Variants in MARCHF6 observed in about 807,000 individuals in gnomAD.
MARCHF6 encodes membrane associated ring-CH-type finger 6.
In MARCHF6, 31 loss-of-function variants were observed where a neutral mutation model predicts 133.7. The observed-to-expected ratio is 0.23, with a 90% CI of 0.17 to 0.31. The LOEUF (loss-of-function observed/expected upper bound fraction) is 0.31. MARCHF6 is among the 10% of genes least tolerant of loss of function. MARCHF6 has a pLI of 1.00. For missense variants in MARCHF6, 723 were observed against 1,121.6 expected (o/e 0.64, Z 5.08); for synonymous variants, 395 against 402.5 (o/e 0.98, Z 0.22).
rs1257707923 is a variant in MARCHF6, at chr5:10,438,147, G to T, written c.*4463G>T. The stretch of plus-strand genomic sequence containing the variant: ...GCCCACTTCTGCATGTCTGCTACGA[G>T]ATCAGAAAGTCAGTTTCACTAAGGT... On this transcript the variant is annotated 3_prime_UTR_variant, in exon 26 of 26. Transcript: ENST00000274140. The T allele has an allele frequency of 6.6e-6, 1 of 152,172 alleles. No individual in the cohort carries two copies. The highest frequency in any genetic ancestry group is 1.5e-5 in the Non-Finnish European group (1 of 68,034). 9.4% of individuals were successfully genotyped at this position (152,172 alleles called of 1,614,324 possible).
intron 22 of MARCHF6, among the ~76,000 whole-genome samples, chr5:10,419,801 G>A (rs867291895): frequency 7.9e-5 from 12 of 152,112 alleles, no homozygotes; most frequent in South Asian, 4.1e-4. Context: ...AAGTTATCCC[G>A]CAACTTTGCA....
intron 1 of MARCHF6, among the ~76,000 whole-genome samples, chr5:10,367,542 G>A (rs1035140585): frequency 6.6e-6 from 1 of 152,164 alleles, no homozygotes; most frequent in Non-Finnish European, 1.5e-5. Flanking sequence ...GAACTTTCAA[G>A]ATAGATAATA....
rs925446195 is a variant in MARCHF6, at chr5:10,402,447, G to C, written c.1117G>C (p.Val373Leu). The C allele has an allele frequency of 6.2e-7, 1 of 1,613,764 alleles. No individual in the cohort carries two copies. Among genetic ancestry groups the C allele is most frequent in the African/African-American group, 1.3e-5 (1 of 74,994 alleles). Reference protein sequence around the residue: ...RRLLGVCYIVVKVSLLVVVEI... With the variant: ...RRLLGVCYIVLKVSLLVVVEI... ...CTTACTGGGAGTCTGCTATATTGTT[G>C]TTAAGGTAATTCCTGTTATAACTTA... The change falls in exon 13 of 26, where the codon GTT (valine) becomes CTT (leucine). Residue 373 changes from valine to leucine, a missense_variant. Physicochemically the swap from Val to Leu is conservative, Grantham distance 32 (BLOSUM62 1). Around this residue, in one of 4 missense-constraint regions of MARCHF6, gnomAD observed 492 missense variants for 699.5 expected, o/e 0.70. Transcript: ENST00000274140.
chr5:10,431,689 AGAGT>A (rs1740383614), intron 25 of MARCHF6, among the ~76,000 whole-genome samples: 1 of 151,832 alleles, frequency 6.6e-6, no homozygotes, highest in Non-Finnish European at 1.5e-5. Context: ...TGAGTATGAG[AGAGT>A]GAGTGGTGGT....
At chr5:10,413,244 G>C (rs1166036788) in intron 19 of MARCHF6, 3 of 152,130 alleles carry the variant, frequency 2.0e-5, no homozygotes, top group African/African-American at 7.2e-5. Context: ...TTCCCCCTTG[G>C]TCTTTACTCA....
At chr5:10,390,622 A>C (rs1041769624) in intron 6 of MARCHF6, 122 bp downstream of exon 6, 2 of 972,150 alleles carry the variant, frequency 2.1e-6, no homozygotes, top group African/African-American at 3.3e-5. Context: ...ATTACAAAGG[A>C]GGGCAGCGGA....
intron 10 of MARCHF6, among the ~76,000 whole-genome samples, chr5:10,399,540 C>T (rs1738394369): frequency 6.6e-6 from 1 of 151,578 alleles, no homozygotes; most frequent in South Asian, 2.1e-4. Context: ...TAAAATTTAG[C>T]CAGAAAGACT....
At position 10,435,181 on chromosome 5, in the gene MARCHF6, C is replaced by G. The variant is rs1394765999; in HGVS notation, c.*1497C>G. 2.0e-5 allele frequency: 3 copies of G among 152,468 alleles called. No individual in the cohort carries two copies. The highest frequency in any genetic ancestry group is 4.4e-5 in the Non-Finnish European group (3 of 68,012). 9.4% of individuals were successfully genotyped at this position (152,468 alleles called of 1,614,324 possible). A position where few individuals can be genotyped will look rare whatever the true frequency, so the allele number is the denominator to read the frequency against. On this transcript the variant is annotated 3_prime_UTR_variant, in exon 26 of 26. Coordinates refer to ENST00000274140, the MANE Select transcript of MARCHF6 (RefSeq NM_005885.4). ...AATTTTTTAACATATGCAAGTCAGC[C>G]AAACATAAGCTACCAAAATAAAGAG...
chr5:10,412,688 T>TA (rs1266703502), intron 19 of MARCHF6, among the ~76,000 whole-genome samples: 2 of 152,152 alleles, frequency 1.3e-5, no homozygotes, highest in African/African-American at 4.8e-5. Context: ...TCCTCCTACC[T>TA]ACTCAGCCGT....
At chr5:10,398,089 G>A (rs551146761) in intron 10 of MARCHF6, among the ~76,000 whole-genome samples, 1 of 152,268 alleles carries the variant, frequency 6.6e-6, no homozygotes, top group African/African-American at 2.4e-5. Flanking sequence ...GGTGTCCTAT[G>A]ATTTGTGTCT....
Position 10,392,857 on chromosome 5 carries a change from A to G in MARCHF6, c.766+1126A>G, listed in dbSNP as rs1055650478. Among the ~76,000 whole-genome samples, 3 of 151,822 alleles carry G rather than the reference A, an allele frequency of 2.0e-5. No homozygotes were observed. The East Asian group carries it at 5.8e-4, about 29-fold the overall frequency. ...CAGTTTTCCTGTCAAGCTTTGCACT[A>G]TCTCTAGTTCTACTTGGCAGCCTGA... On this transcript the variant is annotated intron_variant, in intron 7 of 25. Transcript: ENST00000274140.
At chr5:10,432,934 A>C (rs1740439432) in intron 25 of MARCHF6, among the ~76,000 whole-genome samples, 1 of 130,620 alleles carries the variant, frequency 7.7e-6, no homozygotes, top group Non-Finnish European at 1.6e-5. Context: ...ACGGAGTCAC[A>C]CTCTGTCACC....
chr5:10,427,516 G>T lies in MARCHF6; in HGVS notation c.2506+994G>T, dbSNP rs943211024. On this transcript the variant is annotated intron_variant, in intron 24 of 25. Coordinates refer to ENST00000274140, the MANE Select transcript of MARCHF6 (RefSeq NM_005885.4). ...GTTTTGATTAAACAACCATGGAATG[G>T]CCTCTTATCAAACACACAATGTCCT... is the stretch of plus-strand genomic sequence containing the variant. 3.3e-5 allele frequency among the ~76,000 whole-genome samples: 5 copies of T among 152,032 alleles called. No individual in the cohort carries two copies. The East Asian group carries it at 7.7e-4, about 23-fold the overall frequency.
chr5:10,391,286 A>G (rs535984959), intron 6 of MARCHF6, among the ~76,000 whole-genome samples: 98 of 152,054 alleles, frequency 6.4e-4, no homozygotes, highest in African/African-American at 2.3e-3. Context: ...GGCGCAAACC[A>G]CCATGCCTGG....
intron 16 of MARCHF6, among the ~76,000 whole-genome samples, chr5:10,406,703 T>C (rs1039861989): frequency 1.3e-5 from 2 of 152,188 alleles, no homozygotes; most frequent in African/African-American, 4.8e-5. Context: ...AAAATAAAAT[T>C]CTTAAAGTAA....
intron 24 of MARCHF6, among the ~76,000 whole-genome samples, chr5:10,428,345 T>G (rs941694712): frequency 5.8e-4 from 83 of 142,130 alleles, no homozygotes; most frequent in Admixed American, 3.7e-3. Flanking sequence ...TTTTTTTTTT[T>G]TTTTTTTTTT....
chr5:10,390,982 A>G (rs1338578598), intron 6 of MARCHF6, among the ~76,000 whole-genome samples: 2 of 152,222 alleles, frequency 1.3e-5, no homozygotes, highest in Admixed American at 1.3e-4. Context: ...GCTAAATTAT[A>G]CTGAATGAAT....
chr5:10,369,857 G>A (rs570963684), intron 1 of MARCHF6, among the ~76,000 whole-genome samples: 7 of 152,038 alleles, frequency 4.6e-5, no homozygotes, highest in African/African-American at 1.7e-4. Context: ...TTTTATTGTA[G>A]GGATGTACCA....
chr5:10,433,199 C>T (rs576449203), intron 25 of MARCHF6, among the ~76,000 whole-genome samples: 1 of 152,304 alleles, frequency 6.6e-6, no homozygotes, highest in African/African-American at 2.4e-5. Flanking sequence ...CCCTTCCTAG[C>T]TTTCTGATGG....
Sources: gnomAD v4.1 joint callset for allele counts (sites outside exome capture counted in the v4.1 genomes callset) on GRCh38, gnomAD v4.1.1 for gene constraint, gnomAD v4.1.1 regional missense constraint, MANE v1.5 for transcripts, NCBI Gene and HGNC (gene_info 2026-07-23, HGNC 2026-07-21) for gene names.